KMO: variants seen among roughly 807,000 people sequenced by gnomAD.
KMO encodes kynurenine 3-hydroxylase.
In KMO, 24 loss-of-function variants were observed where a neutral mutation model predicts 57.8. The observed-to-expected ratio is 0.42, with a 90% CI of 0.30 to 0.58. KMO has a LOEUF of 0.58. Among genes scored for constraint, KMO ranks in the 20% least tolerant of loss-of-function variants. KMO has a pLI of 0.22. For synonymous variants in KMO, 210 were observed against 193.6 expected, an observed-to-expected ratio of 1.08 and a Z score of -0.70; for missense variants, 483 against 588.2, an observed-to-expected ratio of 0.82 and a Z score of 1.85.
chr1:241,572,156 C>G (rs59339506), intron 10 of KMO, among the ~76,000 whole-genome samples: 1 of 151,936 alleles, frequency 6.6e-6, no homozygotes, highest in African/African-American at 2.4e-5. Flanking sequence ...TGAGCCACCA[C>G]GCCCGGGCAA....
chr1:241,555,827 C>A, intron 5 of KMO, 167 bp downstream of exon 5: 1 of 474,912 alleles, frequency 2.1e-6, no homozygotes. Flanking sequence ...ATAGCTCATG[C>A]CTGTAATCCC....
chr1:241,549,899 T>C, intron 3 of KMO, 125 bp downstream of exon 3: 1 of 677,980 alleles, frequency 1.5e-6, no homozygotes, highest in Non-Finnish European at 2.4e-6. Context: ...AAACTCATTC[T>C]ACTAAAGCTT....
Position 241,594,668 on chromosome 1 carries a change from A to C in KMO, c.*2515A>C. The C allele has an allele frequency of 6.2e-7, 1 of 1,613,776 alleles. No homozygotes were observed. Among genetic ancestry groups the C allele is most frequent in the Non-Finnish European group, 8.5e-7 (1 of 1,179,870 alleles). On this transcript the variant is annotated 3_prime_UTR_variant, in exon 15 of 15. Transcript: ENST00000366559. ...GGCACCTCAGCAGTCGGAGGCACAG[A>C]AGCTGCAAAAGGGATCTTCGAAACT...
chr1:241,542,522 G>A (rs1660994273), intron 1 of KMO, among the ~76,000 whole-genome samples: 1 of 152,226 alleles, frequency 6.6e-6, no homozygotes, highest in Non-Finnish European at 1.5e-5. Context: ...TATTTTGTGA[G>A]CAAACATCTC....
Position 241,590,074 on chromosome 1 carries a change from T to A in KMO, c.1161T>A (p.His387Gln), listed in dbSNP as rs775198534. Reference protein sequence around the residue: ...IFQKNMERFLHAIMPSTFIPL... With the variant: ...IFQKNMERFLQAIMPSTFIPL... ...AGAAGAACATGGAGAGATTTCTTCA[T>A]GCGATTATGCCATCGACCTTTATCC... Residue 387 changes from histidine (H) to glutamine (Q), a missense_variant, in exon 13 of 15, where the codon CAT (histidine) becomes CAA (glutamine). This residue lies in a region of KMO where 410 missense variants were observed against 492.3 expected (regional missense o/e 0.83). Coordinates refer to ENST00000366559, the MANE Select transcript of KMO (RefSeq NM_003679.5). 1 of 1,614,072 alleles carries A rather than the reference T, an allele frequency of 6.2e-7. No homozygotes were observed. The highest frequency in any genetic ancestry group is 8.5e-7 in the Non-Finnish European group (1 of 1,179,918).
intron 10 of KMO, among the ~76,000 whole-genome samples, chr1:241,585,612 C>T (rs1470279998): frequency 6.6e-6 from 1 of 151,950 alleles, no homozygotes; most frequent in Non-Finnish European, 1.5e-5. Context: ...CAAAAATTAG[C>T]TGGGCGTGGT....
At chr1:241,547,493 CT>C (rs1661193001) in intron 1 of KMO, among the ~76,000 whole-genome samples, 1 of 151,330 alleles carries the variant, frequency 6.6e-6, no homozygotes, top group Admixed American at 6.6e-5. Flanking sequence ...TAAACAGACA[CT>C]TGGTGAAAGA....
chr1:241,542,312 T>C (rs1414882696), intron 1 of KMO, among the ~76,000 whole-genome samples: 2 of 152,164 alleles, frequency 1.3e-5, no homozygotes, highest in African/African-American at 4.8e-5. Flanking sequence ...TCAAATAATA[T>C]TTTTAAGTGG....
chr1:241,589,954 G>T (rs527540661), intron 12 of KMO, 58 bp from the exon 13 acceptor site: 2 of 1,246,336 alleles, frequency 1.6e-6, no homozygotes, highest in Admixed American at 3.4e-5. Context: ...ATACTAAGTC[G>T]CAGTGAGAAA....
At chr1:241,544,739 G>C (rs181276191) in intron 1 of KMO, among the ~76,000 whole-genome samples, 5 of 151,996 alleles carry the variant, frequency 3.3e-5, no homozygotes, top group African/African-American at 1.2e-4. Flanking sequence ...ATTTTGCAAG[G>C]GGTCTGTGAA....
At chr1:241,586,387 A>G (rs1384018978) in intron 10 of KMO, among the ~76,000 whole-genome samples, 1 of 151,740 alleles carries the variant, frequency 6.6e-6, no homozygotes, top group African/African-American at 2.4e-5. Context: ...TTTAGTAGAT[A>G]TGGGGTCTCA....
At chr1:241,564,956 A>C (rs528886732) in intron 7 of KMO, 31 bp from the exon 8 acceptor site, 1 of 1,403,512 alleles carries the variant, frequency 7.1e-7, no homozygotes, top group South Asian at 1.2e-5. Flanking sequence ...ATATGAATGC[A>C]CTAATCAATC....
At position 241,549,469 on chromosome 1, in the gene KMO, T is replaced by A. The variant is rs556636084; in HGVS notation, c.125-208T>A. 6.0e-3 allele frequency among the ~76,000 whole-genome samples: 919 copies of A among 152,210 alleles called. 13 individuals are homozygous for A. Among genetic ancestry groups the A allele is most frequent in the African/African-American group, 0.021 (864 of 41,546 alleles). ...AGTTTCTTTAATAAAACGCTTTTCT[T>A]AAAAAAACTAGTTTTGTTTAAAAAA... is the stretch of plus-strand genomic sequence containing the variant. On this transcript the variant is annotated intron_variant, in intron 2 of 14. Coordinates refer to ENST00000366559, the MANE Select transcript of KMO (RefSeq NM_003679.5).
intron 12 of KMO, among the ~76,000 whole-genome samples, chr1:241,589,038 A>G (rs1028700365): frequency 1.4e-4 from 22 of 152,328 alleles, no homozygotes; most frequent in African/African-American, 4.1e-4. Context: ...CATTATCTCT[A>G]TCTACACTTT....
intron 14 of KMO, 114 bp downstream of exon 14, chr1:241,590,377 T>C: frequency 1.2e-6 from 1 of 859,916 alleles, no homozygotes; most frequent in South Asian, 1.5e-5. Flanking sequence ...CACCAACTGT[T>C]TGCCTTCCAA....
intron 9 of KMO, among the ~76,000 whole-genome samples, chr1:241,567,399 T>C (rs1040588879): frequency 6.6e-6 from 1 of 152,184 alleles, no homozygotes; most frequent in Non-Finnish European, 1.5e-5. Flanking sequence ...GCATGGGATC[T>C]CTCTGGGGTC....
chr1:241,534,771 C>T (rs1336538656), intron 1 of KMO, among the ~76,000 whole-genome samples: 1 of 152,234 alleles, frequency 6.6e-6, no homozygotes, highest in African/African-American at 2.4e-5. Context: ...CAGAAACACC[C>T]TTCTAAAACA....
At chr1:241,586,836 T>C (rs1663011877) in intron 11 of KMO, 100 bp downstream of exon 11, 1 of 822,546 alleles carries the variant, frequency 1.2e-6, no homozygotes, top group African/African-American at 1.7e-5. Flanking sequence ...TGATGTATAA[T>C]GTATATTATC....
At chr1:241,541,884 T>C (rs1476556850) in intron 1 of KMO, among the ~76,000 whole-genome samples, 2 of 152,058 alleles carry the variant, frequency 1.3e-5, no homozygotes, top group African/African-American at 4.8e-5. Flanking sequence ...ACAAGCTTTT[T>C]AAAAGTTAGA....
Sources: gnomAD v4.1 joint callset for allele counts (sites outside exome capture counted in the v4.1 genomes callset) on GRCh38, gnomAD v4.1.1 for gene constraint, gnomAD v4.1.1 regional missense constraint, MANE v1.5 for transcripts, NCBI Gene and HGNC (gene_info 2026-07-23, HGNC 2026-07-21) for gene names.